Variants in FAT3 observed in about 807,000 individuals in gnomAD.
The protein encoded by FAT3 is FAT atypical cadherin 3, also known as protocadherin Fat 3.
FAT3 carries 95 observed loss-of-function variants against 310.2 expected under a neutral mutation model. That is an observed-to-expected ratio of 0.31 (90% confidence interval 0.26 to 0.36). The LOEUF is 0.36. Ranked by LOEUF, FAT3 falls within the 10% of genes least tolerant of loss-of-function variation. The pLI is 1.00. For synonymous variants in FAT3, 2,314 were observed against 2,192.9 expected (o/e 1.06, Z -1.54); for missense variants, 5,408 against 5,715.6 (o/e 0.95, Z 1.74).
intron 1 of FAT3, among the ~76,000 whole-genome samples, chr11:92,320,647 C>G (rs1947590102): frequency 6.6e-6 from 1 of 152,062 alleles, no homozygotes; most frequent in African/African-American, 2.4e-5. Context: ...GCAGGTAGGT[C>G]ACCTGAGGTC....
chr11:92,390,579 G>A (rs1480951052), intron 2 of FAT3, among the ~76,000 whole-genome samples: 1 of 152,166 alleles, frequency 6.6e-6, no homozygotes, highest in East Asian at 1.9e-4. Flanking sequence ...AGTGCCCCAA[G>A]ATTGTGCTGA....
At chr11:92,247,806 T>G (rs1864982773) in intron 1 of FAT3, among the ~76,000 whole-genome samples, 1 of 151,382 alleles carries the variant, frequency 6.6e-6, no homozygotes, top group Admixed American at 6.6e-5. Context: ...TCCCTTTCCA[T>G]TAAAAAATGC....
chr11:92,890,031 GAA>G (rs1050073495), intron 27 of FAT3, 140 bp downstream of exon 27: 55 of 703,714 alleles, frequency 7.8e-5, no homozygotes, highest in Admixed American at 1.6e-4. Flanking sequence ...TATTGGAGGT[GAA>G]AGCTCCACCA....
At chr11:92,813,250 T>C (rs955539390) in intron 13 of FAT3, among the ~76,000 whole-genome samples, 1 of 152,194 alleles carries the variant, frequency 6.6e-6, no homozygotes, top group Admixed American at 6.5e-5. Flanking sequence ...TTCTCTAGAA[T>C]GACAAGGAAA....
At chr11:92,845,636 T>G (rs1948666559) in intron 19 of FAT3, among the ~76,000 whole-genome samples, 1 of 152,310 alleles carries the variant, frequency 6.6e-6, no homozygotes, top group South Asian at 2.1e-4. Context: ...TCTCTTTTCC[T>G]CCGTCTGACA....
chr11:92,750,290 G>C (rs2852406), intron 4 of FAT3, among the ~76,000 whole-genome samples: 35,798 of 152,044 alleles, frequency 0.24, 5,082 homozygotes, highest in African/African-American at 0.4. Context: ...CAGCAATCAG[G>C]AGAATCAGAG....
chr11:92,667,307 C>A (rs1452457660), intron 3 of FAT3, among the ~76,000 whole-genome samples: 1 of 152,086 alleles, frequency 6.6e-6, no homozygotes, highest in Admixed American at 6.6e-5. Context: ...GGAGTTCTTT[C>A]CTGTGCCTGG....
intron 1 of FAT3, among the ~76,000 whole-genome samples, chr11:92,246,158 G>A (rs766382280): frequency 1.3e-5 from 2 of 152,064 alleles, no homozygotes; most frequent in Non-Finnish European, 2.9e-5. Flanking sequence ...GGTGGAGGCA[G>A]CAAGTACTGA....
At chr11:92,499,952 G>C (rs1952888077) in intron 2 of FAT3, among the ~76,000 whole-genome samples, 1 of 151,992 alleles carries the variant, frequency 6.6e-6, no homozygotes, top group Admixed American at 6.6e-5. Flanking sequence ...TCAGGGGTCT[G>C]ATAGCTATAG....
At chr11:92,466,202 A>G (rs1025057803) in intron 2 of FAT3, among the ~76,000 whole-genome samples, 4 of 152,154 alleles carry the variant, frequency 2.6e-5, no homozygotes, top group Admixed American at 6.6e-5. Context: ...TCTAGGGATA[A>G]TATCTGTTCT....
chr11:92,531,821 G>A lies in FAT3; in HGVS notation c.3607+6873G>A, dbSNP rs1456405075. ...ACCAACTTCAGAGTTTCTCAACCTC[G>A]ATACTGTGGATGTTTTTGGTCACAT... On this transcript the variant is annotated intron_variant, in intron 3 of 27. Coordinates refer to ENST00000525166, the MANE Select transcript of FAT3 (RefSeq NM_001367949.2). Among the ~76,000 whole-genome samples, 4 of 151,896 alleles carry A rather than the reference G, an allele frequency of 2.6e-5. No homozygotes were observed. The East Asian group carries it at 7.8e-4, about 30-fold the overall frequency.
intron 2 of FAT3, among the ~76,000 whole-genome samples, chr11:92,431,353 G>A (rs1162816645): frequency 1.3e-5 from 2 of 151,892 alleles, no homozygotes; most frequent in Non-Finnish European, 2.9e-5. Context: ...CTTTTTGATG[G>A]GGTTGTTTGT....
At chr11:92,505,518 C>T (rs1953074085) in intron 2 of FAT3, among the ~76,000 whole-genome samples, 1 of 152,048 alleles carries the variant, frequency 6.6e-6, no homozygotes, top group African/African-American at 2.4e-5. Context: ...AGCAAGGTTA[C>T]AGAGCTACAT....
chr11:92,688,071 G>A (rs1330163504), intron 3 of FAT3, among the ~76,000 whole-genome samples: 1 of 151,866 alleles, frequency 6.6e-6, no homozygotes, highest in East Asian at 1.9e-4. Flanking sequence ...GGGGATGATG[G>A]TGCACCGGTA....
intron 17 of FAT3, among the ~76,000 whole-genome samples, 193 bp downstream of exon 17, chr11:92,837,999 G>A (rs967194775): frequency 1.1e-4 from 17 of 152,248 alleles, no homozygotes; most frequent in African/African-American, 4.1e-4. Context: ...ATTGAGGGGT[G>A]GATTTTTTTC....
At chr11:92,250,672 A>G (rs1403206547) in intron 1 of FAT3, among the ~76,000 whole-genome samples, 2 of 152,158 alleles carry the variant, frequency 1.3e-5, no homozygotes, top group Non-Finnish European at 2.9e-5. Context: ...CTGACTTCTG[A>G]AGAGCTGCTA....
At chr11:92,609,179 C>CTGAATA (rs1940446616) in intron 3 of FAT3, among the ~76,000 whole-genome samples, 1 of 152,148 alleles carries the variant, frequency 6.6e-6, no homozygotes, top group Admixed American at 6.5e-5. Context: ...GTGGGTGGTT[C>CTGAATA]AGTTGTCAGA....
intron 1 of FAT3, among the ~76,000 whole-genome samples, chr11:92,323,944 A>T (rs1394544983): frequency 6.6e-6 from 1 of 152,196 alleles, no homozygotes; most frequent in Non-Finnish European, 1.5e-5. Flanking sequence ...TTGCTGCCTC[A>T]TCTTGCACTG....
At chr11:92,462,357 G>A (rs1274583143) in intron 2 of FAT3, among the ~76,000 whole-genome samples, 3 of 151,912 alleles carry the variant, frequency 2.0e-5, no homozygotes, top group Non-Finnish European at 2.9e-5. Flanking sequence ...GGTATCTATC[G>A]TTCCCTTCTC....
Sources: allele counts gnomAD v4.1 joint callset (sites outside exome capture counted in the v4.1 genomes callset), GRCh38; gene constraint gnomAD v4.1.1; transcripts MANE v1.5; gene names NCBI Gene and HGNC (gene_info 2026-07-23, HGNC 2026-07-21).